DTNA: variants seen among roughly 807,000 people sequenced by gnomAD.
The protein encoded by DTNA is dystrobrevin alpha, also known as dystrophin-related protein 3.
DTNA carries 43 observed loss-of-function variants against 100.7 expected under a neutral mutation model. The observed-to-expected ratio is 0.43, with a 90% CI of 0.33 to 0.55. The LOEUF is 0.55. Ranked by LOEUF, DTNA falls within the 20% of genes least tolerant of loss-of-function variation. The pLI, the probability that DTNA is intolerant of heterozygous loss-of-function variation, is 0.04. For synonymous variants in DTNA, 349 were observed against 347.9 expected, an observed-to-expected ratio of 1.00 and a Z score of -0.04; for missense variants, 798 against 953.9, an observed-to-expected ratio of 0.84 and a Z score of 2.15.
intron 1 of DTNA, among the ~76,000 whole-genome samples, chr18:34,656,772 C>T (rs2074434197): frequency 6.6e-6 from 1 of 152,098 alleles, no homozygotes; most frequent in East Asian, 1.9e-4. Flanking sequence ...TGTTGAAATG[C>T]TTTTTTAAAA....
intron 1 of DTNA, among the ~76,000 whole-genome samples, chr18:34,721,882 C>G (rs1417737506): frequency 6.6e-6 from 1 of 152,150 alleles, no homozygotes; most frequent in East Asian, 1.9e-4. Flanking sequence ...AAATACTCTT[C>G]CCCTGGCTAA....
intron 1 of DTNA, among the ~76,000 whole-genome samples, chr18:34,673,616 T>C (rs1416729542): frequency 6.6e-6 from 1 of 152,162 alleles, no homozygotes; most frequent in African/African-American, 2.4e-5. Flanking sequence ...GTTGACTGGA[T>C]ACCCAACTGA....
At chr18:34,880,510 C>T (rs2096862304) in intron 20 of DTNA, among the ~76,000 whole-genome samples, 1 of 152,168 alleles carries the variant, frequency 6.6e-6, no homozygotes, top group African/African-American at 2.4e-5. Context: ...CAAAGGCTGA[C>T]CCAAAAGCTG....
At chr18:34,539,639 T>G (rs923254561) in intron 1 of DTNA, among the ~76,000 whole-genome samples, 1 of 152,114 alleles carries the variant, frequency 6.6e-6, no homozygotes, top group East Asian at 1.9e-4. Context: ...TATTGTTTTC[T>G]GCATTGATCT....
intron 1 of DTNA, among the ~76,000 whole-genome samples, chr18:34,541,077 G>C (rs1472884462): frequency 1.3e-5 from 2 of 152,058 alleles, no homozygotes; most frequent in African/African-American, 2.4e-5. Context: ...TTCTTCAGCG[G>C]TGAGAACACA....
At chr18:34,556,952 A>G (rs1423995414) in intron 1 of DTNA, among the ~76,000 whole-genome samples, 1 of 147,554 alleles carries the variant, frequency 6.8e-6, no homozygotes, top group African/African-American at 2.6e-5. Context: ...CCTGGATGAT[A>G]TCCTGCAGAG....
In DTNA at chr18:34,664,517, C is replaced by T. The variant is rs543708330; in HGVS notation, c.-1-91459C>T. The stretch of plus-strand genomic sequence containing the variant: ...GTATGCAAGTGGAATAAAAGGAACT[C>T]CACCACCTGAATGCTGGGTTATACA... On this transcript the variant is annotated intron_variant, in intron 1 of 19. Transcript: ENST00000283365. Among the ~76,000 whole-genome samples, 165 of 152,136 alleles carry T rather than the reference C, an allele frequency of 1.1e-3. 1 individual carries two copies. Among genetic ancestry groups the T allele is most frequent in the South Asian group, 7.7e-3 (37 of 4,798 alleles).
upstream of DTNA, among the ~76,000 whole-genome samples, chr18:34,709,840 C>A (rs768484354): frequency 1.3e-5 from 2 of 152,202 alleles, no homozygotes; most frequent in East Asian, 3.8e-4. Flanking sequence ...GCCCTTCATA[C>A]ACTGATGTAG....
At chr18:34,867,400 T>A in intron 17 of DTNA, 1 of 1,228,006 alleles carries the variant, frequency 8.1e-7, no homozygotes. Flanking sequence ...CAGAAGACAG[T>A]CCCCCTGGGT....
At chr18:34,707,856 G>A (rs1407852208), upstream of DTNA, among the ~76,000 whole-genome samples, 2 of 152,094 alleles carry the variant, frequency 1.3e-5, no homozygotes, top group Admixed American at 6.6e-5. Flanking sequence ...TTGCCTGGTC[G>A]GCCTCACACA....
At chr18:34,864,524 A>T (rs569210311) in intron 17 of DTNA, among the ~76,000 whole-genome samples, 2 of 152,274 alleles carry the variant, frequency 1.3e-5, no homozygotes, top group East Asian at 3.9e-4. Flanking sequence ...AAGTGCTGGG[A>T]TTACAGGCGT....
In DTNA at chr18:34,875,480, C is replaced by G. The variant is rs775497086; in HGVS notation, c.1903+82C>G. ...GGTCTATTGAGTGGTCAAGAGTTGT[C>G]AGAACCACATGTGACTATTGTAGGG... On this transcript the variant is annotated intron_variant, in intron 18 of 22. Coordinates refer to ENST00000444659, the MANE Select transcript of DTNA (RefSeq NM_001386795.1). The G allele has an allele frequency of 9.1e-4, 1,456 of 1,593,908 alleles. 1 individual carries two copies. Among genetic ancestry groups the G allele is most frequent in the Non-Finnish European group, 1.2e-3 (1,385 of 1,164,638 alleles).
intron 3 of DTNA, among the ~76,000 whole-genome samples, chr18:34,785,830 C>CCTGT (rs3980403): frequency 0.98 from 148,552 of 152,212 alleles, 72,594 homozygotes; most frequent in East Asian, 1. Flanking sequence ...TGATTAGGGA[C>CCTGT]CTATTTTGTA....
At chr18:34,698,237 C>G (rs938341603) in intron 1 of DTNA, among the ~76,000 whole-genome samples, 1 of 152,222 alleles carries the variant, frequency 6.6e-6, no homozygotes, top group Non-Finnish European at 1.5e-5. Context: ...AAACTACCTG[C>G]ATTAGTTTCC....
At chr18:34,752,078 ATCT>A (rs1196142204) in intron 1 of DTNA, among the ~76,000 whole-genome samples, 9 of 152,288 alleles carry the variant, frequency 5.9e-5, no homozygotes, top group African/African-American at 1.2e-4. Flanking sequence ...CATTTATATA[ATCT>A]TCTTGTAAAA....
chr18:34,682,244 A>G (rs2078235074), intron 1 of DTNA, among the ~76,000 whole-genome samples: 1 of 152,228 alleles, frequency 6.6e-6, no homozygotes, highest in African/African-American at 2.4e-5. Flanking sequence ...GAAATTATGA[A>G]TAAAGCTGCT....
intron 1 of DTNA, among the ~76,000 whole-genome samples, chr18:34,553,967 G>T (rs2045742219): frequency 6.7e-6 from 1 of 149,270 alleles, no homozygotes; most frequent in South Asian, 2.1e-4. Context: ...ATTACCTTGG[G>T]CAGTATGGCC....
intron 16 of DTNA, 150 bp downstream of exon 16, chr18:34,858,548 G>C: frequency 1.3e-6 from 1 of 778,854 alleles, no homozygotes; most frequent in Non-Finnish European, 2.2e-6. Flanking sequence ...GCTGATATTT[G>C]GGGGATTTAG....
chr18:34,787,918 AAATAT>A (rs1293041789), intron 3 of DTNA, among the ~76,000 whole-genome samples: 2 of 152,356 alleles, frequency 1.3e-5, no homozygotes, highest in East Asian at 3.9e-4. Flanking sequence ...ATGAAGAACT[AAATAT>A]TAGGTTAAGA....
Sources: allele counts gnomAD v4.1 joint callset (sites outside exome capture counted in the v4.1 genomes callset), GRCh38; gene constraint gnomAD v4.1.1; transcripts MANE v1.5; gene names NCBI Gene and HGNC (gene_info 2026-07-23, HGNC 2026-07-21).